SLCO3A1: variants seen among roughly 807,000 people sequenced by gnomAD.
SLCO3A1 encodes solute carrier organic anion transporter family member 3A1.
SLCO3A1 carries 27 observed loss-of-function variants against 63.1 expected under a neutral mutation model. The observed-to-expected ratio is 0.43, with a 90% CI of 0.32 to 0.59. The LOEUF (loss-of-function observed/expected upper bound fraction) is 0.59. Ranked by LOEUF, SLCO3A1 falls within the 20% of genes least tolerant of loss-of-function variation. The pLI, the probability that SLCO3A1 is intolerant of heterozygous loss-of-function variation, is 0.09. For synonymous variants in SLCO3A1, 473 were observed against 409.9 expected, an observed-to-expected ratio of 1.15 and a Z score of -1.86; for missense variants, 773 against 945.8, an observed-to-expected ratio of 0.82 and a Z score of 2.40.
intron 1 of SLCO3A1, among the ~76,000 whole-genome samples, chr15:91,899,021 G>A (rs1444933979): frequency 6.6e-6 from 1 of 152,184 alleles, no homozygotes; most frequent in Non-Finnish European, 1.5e-5. Context: ...GGAAGGGCTG[G>A]TGTGTTCCCA....
chr15:92,171,327 C>T (rs1276236001), intron 10 of SLCO3A1: 5 of 153,944 alleles, frequency 3.2e-5, no homozygotes, highest in African/African-American at 9.6e-5. Flanking sequence ...CACAAAAAAA[C>T]AAACTGTCCC....
intron 2 of SLCO3A1, among the ~76,000 whole-genome samples, chr15:91,980,374 T>C (rs2045969502): frequency 6.6e-6 from 1 of 151,854 alleles, no homozygotes; most frequent in Non-Finnish European, 1.5e-5. Context: ...GACCCCAGTT[T>C]TGAAGATACT....
Position 92,089,761 on chromosome 15 carries a change from A to T in SLCO3A1, c.647-5120A>T, listed in dbSNP as rs1262770649. Among the ~76,000 whole-genome samples the T allele has an allele frequency of 3.9e-5, 6 of 152,270 alleles. No individual in the cohort carries two copies. In the South Asian group the frequency reaches 1.0e-3, roughly 26 times the overall value. On this transcript the variant is annotated intron_variant, in intron 2 of 9. Transcript: ENST00000318445. ...ACTCACCACCAGGAAGTCTTGCTGG[A>T]GGTCGTTTTCTTAAGGAATTTGCCG... is the stretch of plus-strand genomic sequence containing the variant.
chr15:91,994,826 G>T (rs960229472), intron 2 of SLCO3A1, among the ~76,000 whole-genome samples: 2 of 152,192 alleles, frequency 1.3e-5, no homozygotes. Flanking sequence ...CATCACCACT[G>T]ATGGGGAACT....
At chr15:92,095,120 A>G in intron 3 of SLCO3A1, 141 bp downstream of exon 3, 1 of 602,518 alleles carries the variant, frequency 1.7e-6, no homozygotes. Flanking sequence ...GGCTCACCCG[A>G]GATTAGATGA....
chr15:91,889,250 G>C, intron 1 of SLCO3A1: 1 of 979,284 alleles, frequency 1.0e-6, no homozygotes, highest in Non-Finnish European at 1.4e-6. Flanking sequence ...GGGTGGTCCT[G>C]CTGGACCTGG....
intron 2 of SLCO3A1, among the ~76,000 whole-genome samples, chr15:92,074,392 G>A (rs1345237928): frequency 2.0e-5 from 3 of 152,140 alleles, no homozygotes; most frequent in African/African-American, 7.2e-5. Context: ...TCCTTCATCT[G>A]CAAACAGAAC....
At chr15:92,166,099 GAAGT>G (rs1379202450), downstream of SLCO3A1, among the ~76,000 whole-genome samples, 1 of 152,090 alleles carries the variant, frequency 6.6e-6, no homozygotes, top group Non-Finnish European at 1.5e-5. Flanking sequence ...TCCCTCCTAT[GAAGT>G]AAGCACATTT....
chr15:92,158,013 G>A (rs60932558), intron 9 of SLCO3A1, among the ~76,000 whole-genome samples: 2,526 of 152,260 alleles, frequency 0.017, 72 homozygotes, highest in African/African-American at 0.057. Flanking sequence ...CTCCAGATGT[G>A]AACTCCCTGT....
intron 1 of SLCO3A1, among the ~76,000 whole-genome samples, chr15:91,895,417 G>A (rs1040186307): frequency 6.6e-6 from 1 of 152,196 alleles, no homozygotes; most frequent in Non-Finnish European, 1.5e-5. Flanking sequence ...TGCTATACCA[G>A]GCCATAGGAT....
chr15:91,952,456 A>T (rs1460781620), intron 2 of SLCO3A1, among the ~76,000 whole-genome samples: 3 of 152,210 alleles, frequency 2.0e-5, no homozygotes, highest in African/African-American at 7.2e-5. Flanking sequence ...ATAAAGTAGG[A>T]ACCGGTGATT....
At chr15:91,946,290 G>A (rs575001080) in intron 2 of SLCO3A1, among the ~76,000 whole-genome samples, 83 of 152,308 alleles carry the variant, frequency 5.4e-4, no homozygotes, top group East Asian at 3.7e-3. Context: ...CAGGCTGCAC[G>A]TCTTTGATTT....
intron 2 of SLCO3A1, among the ~76,000 whole-genome samples, chr15:91,917,022 G>C (rs142687706): frequency 6.6e-6 from 1 of 152,268 alleles, no homozygotes; most frequent in African/African-American, 2.4e-5. Flanking sequence ...TATTTTTCAC[G>C]GTCAGAGTTT....
chr15:91,887,666 C>G (rs1440054772), intron 1 of SLCO3A1, among the ~76,000 whole-genome samples: 6 of 152,202 alleles, frequency 3.9e-5, no homozygotes, highest in Non-Finnish European at 8.8e-5. Flanking sequence ...ACTTCTGAGG[C>G]CTGCTGTTCT....
intron 2 of SLCO3A1, among the ~76,000 whole-genome samples, chr15:91,985,142 A>G (rs957969798): frequency 5.9e-5 from 9 of 152,116 alleles, no homozygotes; most frequent in African/African-American, 2.2e-4. Flanking sequence ...TCCCAAAGTA[A>G]CGCCCAAAGT....
chr15:92,164,006 A>C lies in SLCO3A1; in HGVS notation c.*871A>C. The C allele has an allele frequency of 3.0e-6, 3 of 985,050 alleles. No homozygotes were observed. Among genetic ancestry groups the C allele is most frequent in the Non-Finnish European group, 3.6e-6 (3 of 829,934 alleles). 61.0% of individuals were successfully genotyped at this position (985,050 alleles called of 1,614,324 possible). On this transcript the variant is annotated 3_prime_UTR_variant, in exon 10 of 10. Transcript: ENST00000318445. ...CCAACGCAGTCCAAGTCATTTGCTT[A>C]CATTTGCCAAAAACATTTTGCCATT...
chr15:92,101,569 C>T (rs559904805), intron 3 of SLCO3A1, among the ~76,000 whole-genome samples: 3 of 152,200 alleles, frequency 2.0e-5, no homozygotes, highest in South Asian at 2.1e-4. Flanking sequence ...ATTTCTCAGA[C>T]GGGTCCAACC....
intron 2 of SLCO3A1, among the ~76,000 whole-genome samples, chr15:91,961,699 C>A (rs978714308): frequency 6.6e-6 from 1 of 152,256 alleles, no homozygotes; most frequent in African/African-American, 2.4e-5. Context: ...TTCCCCTACT[C>A]ATCTGCCACC....
At chr15:92,160,292 A>T (rs553299914) in intron 9 of SLCO3A1, among the ~76,000 whole-genome samples, 9 of 152,112 alleles carry the variant, frequency 5.9e-5, no homozygotes, top group Non-Finnish European at 1.0e-4. Context: ...CTGGCTCCAG[A>T]TCTTCATTTT....
Sources: gnomAD v4.1 joint callset for allele counts (sites outside exome capture counted in the v4.1 genomes callset) on GRCh38, gnomAD v4.1.1 for gene constraint, MANE v1.5 for transcripts, NCBI Gene and HGNC (gene_info 2026-07-23, HGNC 2026-07-21) for gene names.